Variants in SLC9B1 observed in about 807,000 individuals in gnomAD.
The protein encoded by SLC9B1 is sodium/hydrogen exchanger 9B1.
In SLC9B1, 32 loss-of-function variants were observed where a neutral mutation model predicts 51.7. The ratio of observed to expected loss-of-function variants is 0.62; its 90% CI spans 0.47 to 0.83. The LOEUF (loss-of-function observed/expected upper bound fraction) is 0.83, where lower values mean the gene tolerates loss of function less well. Among genes scored for constraint, SLC9B1 ranks in the 40% least tolerant of loss-of-function variants. The pLI is 0.00. For synonymous variants in SLC9B1, 145 were observed against 212.7 expected (o/e 0.68, Z 2.77); for missense variants, 406 against 613.2 (o/e 0.66, Z 3.57).
intron 6 of SLC9B1, among the ~76,000 whole-genome samples, chr4:102,939,762 A>C (rs1736899288): frequency 6.6e-6 from 1 of 152,236 alleles, no homozygotes; most frequent in Non-Finnish European, 1.5e-5. Context: ...ATACAAACCA[A>C]TAAATGTGAT....
chr4:102,893,302 A>G (rs1056940246), intron 11 of SLC9B1, among the ~76,000 whole-genome samples: 5 of 147,944 alleles, frequency 3.4e-5, no homozygotes, highest in Non-Finnish European at 3.0e-5. Flanking sequence ...AAAAAAAAAA[A>G]AAAGAAAAAG....
chr4:102,986,658 T>C (rs748434571), intron 3 of SLC9B1, among the ~76,000 whole-genome samples: 3 of 152,210 alleles, frequency 2.0e-5, no homozygotes, highest in Non-Finnish European at 4.4e-5. Context: ...TTCTGTTTCA[T>C]TGTTGTTCAG....
intron 3 of SLC9B1, among the ~76,000 whole-genome samples, chr4:102,987,634 C>T (rs184224710): frequency 6.4e-4 from 97 of 152,230 alleles, no homozygotes; most frequent in Non-Finnish European, 4.4e-5. Flanking sequence ...GGTTACCCTC[C>T]TCTTTCCTTG....
chr4:102,991,753 A>G (rs1213332511), intron 1 of SLC9B1, 41 bp from the exon 2 acceptor site: 4 of 1,372,574 alleles, frequency 2.9e-6, no homozygotes, highest in Admixed American at 2.3e-5. Flanking sequence ...AAGAAACAAG[A>G]CTATAAATCC....
rs189467723 is a variant in SLC9B1 at position 102,918,826 on chromosome 4, C to G, written c.830-7289G>C. On this transcript the variant is annotated intron_variant, in intron 7 of 11. Transcript: ENST00000296422. ...TAAATTTCTGTTGTTCATAAATTAC[C>G]AGCCTAAGGTATTTTGTTATAGCAG... 6.8e-3 allele frequency among the ~76,000 whole-genome samples: 1,043 copies of G among 152,268 alleles called. 2 individuals are homozygous for G. The highest frequency in any genetic ancestry group is 0.011 in the Non-Finnish European group (732 of 68,026).
intron 7 of SLC9B1, among the ~76,000 whole-genome samples, chr4:102,919,325 T>C (rs1341130234): frequency 6.6e-6 from 1 of 152,216 alleles, no homozygotes; most frequent in Non-Finnish European, 1.5e-5. Flanking sequence ...TAAGTTCCAA[T>C]TCCAAACCAT....
chr4:102,947,113 G>T (rs1560945012), intron 4 of SLC9B1, among the ~76,000 whole-genome samples: 2 of 152,192 alleles, frequency 1.3e-5, no homozygotes, highest in South Asian at 2.1e-4. Flanking sequence ...TAGGCAGGAA[G>T]TAACATAATG....
intron 3 of SLC9B1, among the ~76,000 whole-genome samples, chr4:102,951,455 C>G (rs1433118570): frequency 1.3e-5 from 2 of 151,786 alleles, no homozygotes; most frequent in Admixed American, 6.6e-5. Context: ...TAGATAGACA[C>G]TATAAAATAT....
At chr4:102,887,193 T>C (rs775742176) in intron 11 of SLC9B1, 4 of 585,736 alleles carry the variant, frequency 6.8e-6, no homozygotes, top group Non-Finnish European at 1.2e-5. Context: ...TATGGTTCAG[T>C]TGGATGTAGA....
Position 102,991,640 on chromosome 4 carries a change from T to C in SLC9B1, c.69+3A>G, listed in dbSNP as rs1166600240. On this transcript the variant is annotated splice_donor_region_variant and intron_variant, in intron 2 of 11. Coordinates refer to ENST00000296422, the MANE Select transcript of SLC9B1 (RefSeq NM_139173.4). ...ATATTACAGTATACTTTTAAGTTTTTACCTGAGGAGTTGTAGATGTTTGGA... is the reference window on the plus strand; with the variant it reads ...ATATTACAGTATACTTTTAAGTTTTCACCTGAGGAGTTGTAGATGTTTGGA... The C allele has an allele frequency of 1.3e-6, 2 of 1,572,732 alleles. No homozygotes were observed. Among genetic ancestry groups the C allele is most frequent in the Admixed American group, 1.8e-5 (1 of 57,120 alleles).
chr4:102,990,764 G>C (rs1204931441), intron 2 of SLC9B1, among the ~76,000 whole-genome samples: 1 of 151,988 alleles, frequency 6.6e-6, no homozygotes, highest in Non-Finnish European at 1.5e-5. Context: ...CAATAAAAAG[G>C]CTAGAGTGCA....
chr4:102,904,701 AC>A (rs971584322), intron 11 of SLC9B1, among the ~76,000 whole-genome samples: 2 of 151,506 alleles, frequency 1.3e-5, no homozygotes, highest in African/African-American at 4.8e-5. Context: ...GAAAAAAAAG[AC>A]CAGGCGCAGT....
chr4:102,961,911 G>A, intron 3 of SLC9B1: 1 of 223,908 alleles, frequency 4.5e-6, no homozygotes, highest in South Asian at 6.8e-5. Flanking sequence ...TGGTGGCAGG[G>A]TGCTCCAGGG....
In SLC9B1 at chr4:103,008,685, G is replaced by T. The variant is rs7676434; in HGVS notation, c.-2+10914C>A. ...GGCATGAGACATCGCACCTGACCCTGATACATCATATTGAGTAAATTTCTT... is the reference window on the plus strand; with the variant it reads ...GGCATGAGACATCGCACCTGACCCTTATACATCATATTGAGTAAATTTCTT... On this transcript the variant is annotated intron_variant, in intron 1 of 11. Coordinates refer to ENST00000296422, the MANE Select transcript of SLC9B1 (RefSeq NM_139173.4). Among the ~76,000 whole-genome samples the T allele has an allele frequency of 1.5e-3, 221 of 151,796 alleles. 2 individuals are homozygous for T. Among genetic ancestry groups the T allele is most frequent in the African/African-American group, 5.2e-3 (217 of 41,396 alleles).
At chr4:102,911,353 T>G in intron 8 of SLC9B1, 78 bp downstream of exon 8, 1 of 961,664 alleles carries the variant, frequency 1.0e-6, no homozygotes, top group Non-Finnish European at 1.5e-6. Context: ...GTATTAAATT[T>G]CATCGACCTT....
At chr4:102,946,073 G>A (rs1380911350) in intron 5 of SLC9B1, among the ~76,000 whole-genome samples, 1 of 152,056 alleles carries the variant, frequency 6.6e-6, no homozygotes, top group African/African-American at 2.4e-5. Flanking sequence ...CTTTTATAAG[G>A]TTTTTCTTAT....
chr4:102,894,396 A>G (rs571727165), intron 11 of SLC9B1, among the ~76,000 whole-genome samples: 49 of 152,336 alleles, frequency 3.2e-4, no homozygotes, highest in African/African-American at 1.2e-3. Context: ...ATAAATATAT[A>G]GAAAACTTTT....
At chr4:103,006,394 A>C (rs1482222425) in intron 1 of SLC9B1, among the ~76,000 whole-genome samples, 1 of 152,108 alleles carries the variant, frequency 6.6e-6, no homozygotes, top group Non-Finnish European at 1.5e-5. Context: ...GAATAACTAC[A>C]AGAAATGGGT....
At chr4:102,890,532 C>T (rs1279034425) in intron 11 of SLC9B1, 1 of 152,082 alleles carries the variant, frequency 6.6e-6, no homozygotes, top group Non-Finnish European at 1.5e-5. Context: ...AATGCTTGTA[C>T]TTTATTCAGA....
Sources: allele counts gnomAD v4.1 joint callset (sites outside exome capture counted in the v4.1 genomes callset), GRCh38; gene constraint gnomAD v4.1.1; transcripts MANE v1.5; gene names NCBI Gene and HGNC (gene_info 2026-07-23, HGNC 2026-07-21).